The following SCMH1 variants were observed in gnomAD, a reference collection of about 807,000 sequenced individuals.
SCMH1 encodes the protein polycomb protein SCMH1.
SCMH1 carries 37 observed loss-of-function variants against 70.8 expected under a neutral mutation model. That is an observed-to-expected ratio of 0.52 (90% CI 0.40 to 0.69). The LOEUF is 0.69. SCMH1 is among the 30% of genes least tolerant of loss of function. The pLI is 0.00. For synonymous variants in SCMH1, 292 were observed against 307.4 expected (o/e 0.95, Z 0.52); for missense variants, 607 against 827.3 (o/e 0.73, Z 3.27).
chr1:41,178,999 A>G (rs904815580), intron 2 of SCMH1, among the ~76,000 whole-genome samples: 1 of 152,230 alleles, frequency 6.6e-6, no homozygotes, highest in East Asian at 1.9e-4. Flanking sequence ...AGCACTCCTC[A>G]GCAAATGTAA....
At chr1:41,118,262 G>A (rs1208285972) in intron 6 of SCMH1, among the ~76,000 whole-genome samples, 2 of 152,138 alleles carry the variant, frequency 1.3e-5, no homozygotes, top group Non-Finnish European at 2.9e-5. Context: ...GTGGGACAGA[G>A]TCTCCAAACC....
At chr1:41,028,931 T>C (rs1327851988) in intron 13 of SCMH1, among the ~76,000 whole-genome samples, 1 of 150,702 alleles carries the variant, frequency 6.6e-6, no homozygotes, top group Non-Finnish European at 1.5e-5. Flanking sequence ...GTAGATCTGA[T>C]TTTTGGAAAT....
At chr1:41,095,901 A>G (rs1165880208) in intron 8 of SCMH1, among the ~76,000 whole-genome samples, 1 of 152,226 alleles carries the variant, frequency 6.6e-6, no homozygotes, top group Non-Finnish European at 1.5e-5. Flanking sequence ...TGACTCTTAC[A>G]TAATAACTTA....
chr1:41,176,672 T>C (rs1349256340), intron 2 of SCMH1, among the ~76,000 whole-genome samples: 2 of 152,090 alleles, frequency 1.3e-5, no homozygotes, highest in Non-Finnish European at 2.9e-5. Flanking sequence ...CAGTCTGAGA[T>C]CAAACTGCAA....
chr1:41,144,407 G>T (rs1644369258), intron 5 of SCMH1, among the ~76,000 whole-genome samples: 1 of 152,126 alleles, frequency 6.6e-6, no homozygotes, highest in South Asian at 2.1e-4. Context: ...TGGATTCAAG[G>T]TTCACCCATG....
chr1:41,131,452 C>A (rs1266796504), intron 6 of SCMH1, among the ~76,000 whole-genome samples: 1 of 152,206 alleles, frequency 6.6e-6, no homozygotes, highest in Non-Finnish European at 1.5e-5. Flanking sequence ...GACTGCACTG[C>A]ATCTATAGAT....
At chr1:41,162,597 C>T (rs1646127691) in intron 2 of SCMH1, among the ~76,000 whole-genome samples, 1 of 152,174 alleles carries the variant, frequency 6.6e-6, no homozygotes, top group African/African-American at 2.4e-5. Flanking sequence ...GCCACCCATT[C>T]TAGGGCCTCC....
intron 2 of SCMH1, among the ~76,000 whole-genome samples, chr1:41,165,357 A>C (rs1481743481): frequency 6.6e-6 from 1 of 152,074 alleles, no homozygotes; most frequent in Non-Finnish European, 1.5e-5. Flanking sequence ...ATGCAGATGA[A>C]GCTACCCTTC....
chr1:41,181,585 G>T (rs186719788), intron 2 of SCMH1, among the ~76,000 whole-genome samples: 1 of 152,130 alleles, frequency 6.6e-6, no homozygotes, highest in Admixed American at 6.5e-5. Context: ...GCAGCCAACA[G>T]ACACATGAAG....
intron 8 of SCMH1, among the ~76,000 whole-genome samples, chr1:41,081,102 C>T (rs1659882439): frequency 6.6e-6 from 1 of 152,030 alleles, no homozygotes; most frequent in African/African-American, 2.4e-5. Flanking sequence ...ATGTATTTCT[C>T]TAAATAGCAA....
intron 5 of SCMH1, among the ~76,000 whole-genome samples, chr1:41,144,202 A>G (rs1644352678): frequency 1.3e-5 from 2 of 152,150 alleles, no homozygotes; most frequent in African/African-American, 4.8e-5. Flanking sequence ...ATCTAATTTT[A>G]TAACATTTCC....
At chr1:41,178,054 A>G (rs1647496130) in intron 2 of SCMH1, among the ~76,000 whole-genome samples, 2 of 152,252 alleles carry the variant, frequency 1.3e-5, no homozygotes, top group South Asian at 2.1e-4. Context: ...CAGAAACTCC[A>G]CAAGCCAGAA....
intron 6 of SCMH1, among the ~76,000 whole-genome samples, chr1:41,141,061 G>A (rs1644024260): frequency 6.6e-6 from 1 of 152,120 alleles, no homozygotes; most frequent in South Asian, 2.1e-4. Context: ...AAGAAATAAA[G>A]CATGCATTTA....
At chr1:41,198,010 T>C (rs1189119868) in intron 1 of SCMH1, among the ~76,000 whole-genome samples, 1 of 152,186 alleles carries the variant, frequency 6.6e-6, no homozygotes, top group Non-Finnish European at 1.5e-5. Context: ...CTATGTAAAC[T>C]TGGACAGGTT....
chr1:41,076,007 A>C (rs1004606819), intron 8 of SCMH1, among the ~76,000 whole-genome samples: 1 of 152,226 alleles, frequency 6.6e-6, no homozygotes, highest in African/African-American at 2.4e-5. Flanking sequence ...ATCTCTCCTT[A>C]AAAATCTTTG....
chr1:41,053,215 A>G (rs925313739), intron 10 of SCMH1, among the ~76,000 whole-genome samples: 6 of 151,976 alleles, frequency 3.9e-5, no homozygotes, highest in Admixed American at 3.3e-4. Flanking sequence ...ACATTTCACT[A>G]AAGGTAGAAA....
chr1:41,161,440 G>T lies in SCMH1; in HGVS notation c.14-8C>A, dbSNP rs1220829449. ...CATCACTCCAGTCTATCACTGCAGA[G>T]GGAGAGAAAAATAGTCATGTGGAAA... is the stretch of plus-strand genomic sequence containing the variant. On this transcript the variant is annotated splice_polypyrimidine_tract_variant and splice_region_variant and intron_variant, in intron 2 of 14. Transcript: ENST00000337495. 1.2e-5 allele frequency: 18 copies of T among 1,543,788 alleles called. No individual in the cohort carries two copies. The highest frequency in any genetic ancestry group is 1.4e-5 in the Non-Finnish European group (16 of 1,145,122).
At chr1:41,054,392 T>C (rs528639134) in intron 10 of SCMH1, among the ~76,000 whole-genome samples, 2 of 152,186 alleles carry the variant, frequency 1.3e-5, no homozygotes, top group Non-Finnish European at 2.9e-5. Flanking sequence ...CTTAAAAACA[T>C]GTACACACAC....
In SCMH1 at chr1:41,205,445, G is replaced by A. The variant is rs531549824; in HGVS notation, c.-117-19195C>T. Among the ~76,000 whole-genome samples, 31 of 152,324 alleles carry A rather than the reference G, an allele frequency of 2.0e-4. No individual in the cohort carries two copies. The South Asian group carries it at 3.1e-3, about 15-fold the overall frequency. On this transcript the variant is annotated intron_variant, in intron 1 of 14. Transcript: ENST00000337495. The stretch of plus-strand genomic sequence containing the variant: ...CCATGGAGCCTTGCTCACTGCTAGC[G>A]CAGCAGTCTGAGACTGACCTCAATC...
Sources: gnomAD v4.1 joint callset for allele counts (sites outside exome capture counted in the v4.1 genomes callset) on GRCh38, gnomAD v4.1.1 for gene constraint, MANE v1.5 for transcripts, NCBI Gene and HGNC (gene_info 2026-07-23, HGNC 2026-07-21) for gene names.